Variants in DPP10 observed in about 807,000 individuals in gnomAD.
DPP10 encodes dipeptidyl peptidase like 10.
DPP10 carries 33 observed loss-of-function variants against 120.9 expected under a neutral mutation model. The ratio of observed to expected loss-of-function variants is 0.27; its 90% CI spans 0.21 to 0.37. The LOEUF is 0.37. DPP10 is among the 10% of genes least tolerant of loss of function. DPP10 has a pLI of 1.00. For synonymous variants in DPP10, 337 were observed against 326.1 expected (o/e 1.03, Z -0.36); for missense variants, 816 against 942.8 (o/e 0.87, Z 1.76).
chr2:115,321,413 T>C (rs368890375), intron 2 of DPP10, among the ~76,000 whole-genome samples: 2 of 152,120 alleles, frequency 1.3e-5, no homozygotes, highest in Non-Finnish European at 2.9e-5. Context: ...GAATCCCTTA[T>C]ATATATCAAG....
intron 19 of DPP10, among the ~76,000 whole-genome samples, chr2:115,808,215 A>G (rs752692856): frequency 3.3e-5 from 5 of 152,240 alleles, no homozygotes; most frequent in Non-Finnish European, 7.3e-5. Flanking sequence ...AAGCCAGCGA[A>G]GATTTATTTA....
chr2:114,711,508 C>A (rs540278573), intron 1 of DPP10, among the ~76,000 whole-genome samples: 25 of 152,236 alleles, frequency 1.6e-4, no homozygotes, highest in African/African-American at 6.0e-4. Context: ...TCAGGTTCCT[C>A]ATCTTTAAAC....
intron 1 of DPP10, among the ~76,000 whole-genome samples, chr2:115,278,902 A>G (rs1180726286): frequency 6.6e-6 from 1 of 152,130 alleles, no homozygotes; most frequent in Admixed American, 6.5e-5. Context: ...TTTACCTGCC[A>G]TATATAATAG....
intron 5 of DPP10, among the ~76,000 whole-genome samples, chr2:115,557,215 G>A (rs2149030819): frequency 6.6e-6 from 1 of 152,236 alleles, no homozygotes; most frequent in East Asian, 1.9e-4. Flanking sequence ...AATGCGGTCA[G>A]AAAGAGTTCC....
chr2:115,645,011 T>C (rs1041787687), intron 5 of DPP10, among the ~76,000 whole-genome samples: 7 of 152,294 alleles, frequency 4.6e-5, no homozygotes, highest in African/African-American at 1.4e-4. Context: ...GAAAGTCAGA[T>C]TTCAAAGGTG....
At chr2:114,546,289 A>G (rs917754868) in intron 1 of DPP10, among the ~76,000 whole-genome samples, 3 of 152,172 alleles carry the variant, frequency 2.0e-5, no homozygotes, top group African/African-American at 7.2e-5. Flanking sequence ...GGGAGCAGGT[A>G]CATGACTTGG....
At chr2:115,340,960 A>G (rs1352440179) in intron 2 of DPP10, among the ~76,000 whole-genome samples, 2 of 152,088 alleles carry the variant, frequency 1.3e-5, no homozygotes, top group Non-Finnish European at 2.9e-5. Context: ...ATTAGACAAA[A>G]TAATGGTAAA....
At chr2:115,164,995 A>G (rs1559170442) in intron 1 of DPP10, among the ~76,000 whole-genome samples, 1 of 152,252 alleles carries the variant, frequency 6.6e-6, no homozygotes. Context: ...TGCTTTCACA[A>G]CACTCCACAT....
intron 1 of DPP10, among the ~76,000 whole-genome samples, chr2:114,910,018 ATG>A (rs900074900): frequency 1.3e-5 from 2 of 151,802 alleles, no homozygotes; most frequent in South Asian, 2.1e-4. Context: ...ATATATAAAC[ATG>A]TGTGTGTATA....
chr2:114,452,271 T>C (rs896309168), intron 1 of DPP10, among the ~76,000 whole-genome samples: 2 of 134,308 alleles, frequency 1.5e-5, no homozygotes, highest in South Asian at 4.4e-4. Flanking sequence ...ATGTGACAAT[T>C]ATTTTCTTCC....
chr2:114,505,693 G>T (rs1317139253), intron 1 of DPP10, among the ~76,000 whole-genome samples: 1 of 152,140 alleles, frequency 6.6e-6, no homozygotes, highest in African/African-American at 2.4e-5. Context: ...GGACACAGTT[G>T]TGAAGTCACT....
At chr2:115,439,318 C>T (rs374205968) in intron 3 of DPP10, among the ~76,000 whole-genome samples, 10 of 151,854 alleles carry the variant, frequency 6.6e-5, no homozygotes, top group Non-Finnish European at 1.2e-4. Flanking sequence ...TCTGGGGAGA[C>T]GGAATAATGT....
intron 7 of DPP10, among the ~76,000 whole-genome samples, chr2:115,690,487 G>T (rs1055572429): frequency 6.6e-6 from 1 of 152,078 alleles, no homozygotes; most frequent in African/African-American, 2.4e-5. Flanking sequence ...ATCTCAGCTC[G>T]CTGCAACCTC....
intron 1 of DPP10, among the ~76,000 whole-genome samples, chr2:114,911,120 A>G (rs934668016): frequency 5.3e-5 from 8 of 152,182 alleles, no homozygotes; most frequent in Non-Finnish European, 8.8e-5. Flanking sequence ...TGTGAAATCA[A>G]TACACTTCTC....
chr2:114,995,608 A>T (rs751541414), intron 1 of DPP10, among the ~76,000 whole-genome samples: 1 of 152,170 alleles, frequency 6.6e-6, no homozygotes, highest in African/African-American at 2.4e-5. Flanking sequence ...AGTATAAAAA[A>T]TTATATATTT....
At chr2:115,744,756 T>A (rs1677732674) in intron 9 of DPP10, among the ~76,000 whole-genome samples, 1 of 150,604 alleles carries the variant, frequency 6.6e-6, no homozygotes, top group African/African-American at 2.4e-5. Context: ...GGTCCTGATT[T>A]AACTATGGGT....
At position 114,779,495 on chromosome 2, in the gene DPP10, G is replaced by A. The variant is rs150668653; in HGVS notation, c.60+336657G>A. On this transcript the variant is annotated intron_variant, in intron 1 of 25. Transcript: ENST00000410059. ...CTGATTTTTCAGAGGACCTATTCCC[G>A]TCATATCTTATAAAATGTAATGATT... 3.5e-3 allele frequency among the ~76,000 whole-genome samples: 531 copies of A among 152,146 alleles called. 7 individuals carry two copies. The highest frequency in any genetic ancestry group is 5.5e-3 in the Non-Finnish European group (375 of 67,982).
At chr2:114,897,273 C>T (rs1413081467) in intron 1 of DPP10, among the ~76,000 whole-genome samples, 1 of 152,292 alleles carries the variant, frequency 6.6e-6, no homozygotes, top group African/African-American at 2.4e-5. Context: ...GGAGGATTCC[C>T]TCTTTTTCTA....
intron 5 of DPP10, among the ~76,000 whole-genome samples, chr2:115,565,179 T>A (rs2080923679): frequency 6.6e-6 from 1 of 152,172 alleles, no homozygotes; most frequent in African/African-American, 2.4e-5. Flanking sequence ...CTGAAGATAA[T>A]TTACATTTTT....
Sources: gnomAD v4.1 joint callset for allele counts (sites outside exome capture counted in the v4.1 genomes callset) on GRCh38, gnomAD v4.1.1 for gene constraint, MANE v1.5 for transcripts, NCBI Gene and HGNC (gene_info 2026-07-23, HGNC 2026-07-21) for gene names.